Variants in KIAA1217 observed in about 807,000 individuals in gnomAD.
The protein encoded by KIAA1217 is sickle tail protein homolog.
KIAA1217 carries 88 observed loss-of-function variants against 163.9 expected under a neutral mutation model. The observed-to-expected ratio is 0.54, with a 90% CI of 0.45 to 0.64. The LOEUF is 0.64. KIAA1217 is among the 30% of genes least tolerant of loss of function. KIAA1217 has a pLI of 0.00. For missense variants in KIAA1217, 2,372 were observed against 2,475.0 expected (o/e 0.96, Z 0.88); for synonymous variants, 903 against 923.1 (o/e 0.98, Z 0.39).
intron 2 of KIAA1217, among the ~76,000 whole-genome samples, chr10:24,145,049 T>G (rs1398417532): frequency 6.6e-6 from 1 of 152,262 alleles, no homozygotes; most frequent in African/African-American, 2.4e-5. Flanking sequence ...AAGAATACTT[T>G]GGAATTTGAT....
intron 5 of KIAA1217, among the ~76,000 whole-genome samples, chr10:24,453,794 G>T (rs1179185437): frequency 6.6e-6 from 1 of 152,218 alleles, no homozygotes; most frequent in East Asian, 1.9e-4. Context: ...ATGTTGGAAA[G>T]ACTGGTAGCA....
At chr10:24,494,682 A>G in intron 7 of KIAA1217, 78 bp downstream of exon 7, 3 of 1,006,476 alleles carry the variant, frequency 3.0e-6, no homozygotes, top group Non-Finnish European at 4.5e-6. Flanking sequence ...CATTCATTCA[A>G]ATCTGTTTTC....
intron 2 of KIAA1217, among the ~76,000 whole-genome samples, chr10:24,140,668 T>C (rs551185986): frequency 8.5e-4 from 129 of 152,338 alleles, no homozygotes; most frequent in Non-Finnish European, 1.7e-3. Context: ...AATCGTTTAT[T>C]TCTAGAATTT....
At chr10:24,036,879 T>A (rs1848414985) in intron 2 of KIAA1217, among the ~76,000 whole-genome samples, 1 of 152,136 alleles carries the variant, frequency 6.6e-6, no homozygotes, top group African/African-American at 2.4e-5. Context: ...ACATCCAAAC[T>A]AAATCAACAG....
chr10:24,534,881 CAAAAAAAAAA>C (rs71506838), intron 16 of KIAA1217, among the ~76,000 whole-genome samples: 3 of 71,844 alleles, frequency 4.2e-5, no homozygotes, highest in Admixed American at 1.6e-4. Context: ...AACTCTGTCT[CAAAAAAAAAA>C]AAAAAAAAAA....
intron 14 of KIAA1217, among the ~76,000 whole-genome samples, chr10:24,531,227 T>G (rs2073072670): frequency 6.6e-6 from 1 of 152,116 alleles, no homozygotes. Flanking sequence ...TTAAAAAATT[T>G]GTTTAATTAA....
chr10:24,530,873 G>A (rs2073015975), intron 14 of KIAA1217, among the ~76,000 whole-genome samples: 1 of 152,048 alleles, frequency 6.6e-6, no homozygotes, highest in Non-Finnish European at 1.5e-5. Context: ...TTCAGCCTGA[G>A]TGAAAGAGCA....
intron 2 of KIAA1217, among the ~76,000 whole-genome samples, chr10:24,198,427 G>A (rs1481077216): frequency 2.6e-5 from 4 of 151,932 alleles, no homozygotes; most frequent in Admixed American, 6.6e-5. Context: ...TGGCCAACAC[G>A]GCAAAACTCC....
rs1234900924 is a variant in KIAA1217, at chr10:24,309,083, A to G, written c.355-71786A>G. Among the ~76,000 whole-genome samples, 9 of 136,226 alleles carry G rather than the reference A, an allele frequency of 6.6e-5. No homozygotes were observed. In the East Asian group the frequency reaches 7.3e-4, roughly 11 times the overall value. 89.4% of individuals were successfully genotyped at this position (136,226 alleles called of 152,430 possible). ...GGTTGCAGTGAGCTGAGATCACACC[A>G]CTGCACTGCAGCCTGGGTGACAGAG... On this transcript the variant is annotated intron_variant, in intron 2 of 20. Coordinates refer to ENST00000376454, the MANE Select transcript of KIAA1217 (RefSeq NM_019590.5).
chr10:23,855,528 A>G lies in KIAA1217; in HGVS notation c.-320-151697A>G, dbSNP rs1370792850. Among the ~76,000 whole-genome samples the G allele has an allele frequency of 2.0e-5, 3 of 151,996 alleles. No homozygotes were observed. In the East Asian group the frequency reaches 5.8e-4, roughly 29 times the overall value. On this transcript the variant is annotated intron_variant, in intron 1 of 18. Transcript: ENST00000376462. Reference sequence around the variant, plus strand: ...TCTTCTCGAGGAGTATCTTTGCGGCATTCTCTGTATTTCCTGAATCTGAAT... The same window carrying G: ...TCTTCTCGAGGAGTATCTTTGCGGCGTTCTCTGTATTTCCTGAATCTGAAT...
chr10:23,964,739 T>G (rs1844984740), intron 1 of KIAA1217, among the ~76,000 whole-genome samples: 1 of 151,986 alleles, frequency 6.6e-6, no homozygotes, highest in South Asian at 2.1e-4. Flanking sequence ...TATTTTTTAG[T>G]AGAGACGGGG....
At chr10:23,986,341 C>T (rs150611045) in intron 1 of KIAA1217, among the ~76,000 whole-genome samples, 1 of 152,326 alleles carries the variant, frequency 6.6e-6, no homozygotes, top group East Asian at 1.9e-4. Context: ...ACAGTTGTCC[C>T]TCAGTTTCAG....
intron 1 of KIAA1217, among the ~76,000 whole-genome samples, chr10:23,962,145 A>C (rs1844844507): frequency 6.6e-6 from 1 of 152,242 alleles, no homozygotes; most frequent in Admixed American, 6.5e-5. Context: ...GACTCTGACC[A>C]ATGGAATTAC....
chr10:23,968,660 G>A (rs911791799), intron 1 of KIAA1217, among the ~76,000 whole-genome samples: 3 of 152,164 alleles, frequency 2.0e-5, no homozygotes, highest in Admixed American at 6.5e-5. Flanking sequence ...AGACAATGAC[G>A]AATCTACTTT....
intron 2 of KIAA1217, among the ~76,000 whole-genome samples, chr10:24,151,837 A>G (rs577131877): frequency 6.6e-6 from 1 of 152,282 alleles, no homozygotes; most frequent in East Asian, 1.9e-4. Flanking sequence ...ACTGAGGGCC[A>G]GATGGGATGA....
At chr10:23,769,403 G>C (rs757762691) in intron 1 of KIAA1217, among the ~76,000 whole-genome samples, 1 of 152,224 alleles carries the variant, frequency 6.6e-6, no homozygotes, top group East Asian at 1.9e-4. Flanking sequence ...TTGAGGGGAG[G>C]GGGGACAGTC....
At chr10:23,743,352 C>T (rs1452073595) in intron 1 of KIAA1217, among the ~76,000 whole-genome samples, 1 of 152,016 alleles carries the variant, frequency 6.6e-6, no homozygotes, top group South Asian at 2.1e-4. Flanking sequence ...TTTTGCAATT[C>T]ACCTCTAAGC....
At chr10:23,903,783 A>T (rs1482712090) in intron 1 of KIAA1217, among the ~76,000 whole-genome samples, 1 of 152,040 alleles carries the variant, frequency 6.6e-6, no homozygotes, top group Non-Finnish European at 1.5e-5. Flanking sequence ...CCATGACACC[A>T]TATTTTGGGG....
chr10:24,269,056 T>G, intron 2 of KIAA1217, among the ~76,000 whole-genome samples: 3 of 81,814 alleles, frequency 3.7e-5, no homozygotes, highest in South Asian at 4.8e-4. Flanking sequence ...CTGGGGACTG[T>G]GGTGGGGTGG....
Sources: allele counts gnomAD v4.1 joint callset (sites outside exome capture counted in the v4.1 genomes callset), GRCh38; gene constraint gnomAD v4.1.1; transcripts MANE v1.5; gene names NCBI Gene and HGNC (gene_info 2026-07-23, HGNC 2026-07-21).